ARHGAP32: variants seen among roughly 807,000 people sequenced by gnomAD.
The protein encoded by ARHGAP32 is Rho GTPase activating protein 32.
Under a neutral mutation model 186.5 loss-of-function variants are expected in ARHGAP32, and 51 were observed. That is an observed-to-expected ratio of 0.27 (90% CI 0.22 to 0.35). The LOEUF (loss-of-function observed/expected upper bound fraction) is 0.35. ARHGAP32 is among the 10% of genes least tolerant of loss of function. The pLI is 1.00. For missense variants in ARHGAP32, 2,186 were observed against 2,623.5 expected (o/e 0.83, Z 3.64); for synonymous variants, 950 against 964.3 (o/e 0.99, Z 0.27).
chr11:129,233,506 A>G (rs950367163), intron 1 of ARHGAP32, among the ~76,000 whole-genome samples: 36 of 152,172 alleles, frequency 2.4e-4, no homozygotes, highest in African/African-American at 8.4e-4. Flanking sequence ...CCAATGCTGA[A>G]ATGGCACACA....
intron 1 of ARHGAP32, among the ~76,000 whole-genome samples, chr11:129,202,018 TTA>T (rs554670629): frequency 2.6e-5 from 4 of 151,818 alleles, no homozygotes; most frequent in Middle Eastern, 6.8e-3. Flanking sequence ...CTCTATTTAT[TTA>T]TATATATATG....
intron 5 of ARHGAP32, among the ~76,000 whole-genome samples, chr11:129,101,561 A>T (rs114621918): frequency 1.3e-5 from 2 of 152,232 alleles, no homozygotes; most frequent in African/African-American, 4.8e-5. Context: ...TAATGCAATC[A>T]CAAGTATTAA....
chr11:128,969,309 C>T lies in ARHGAP32; in HGVS notation c.5904G>A (p.Arg1968=). The part of the protein sequence containing the change: ...LSKEMERPWV[R]QPSAPEKHSR... ...AGTGTTTCTCTGGGGCAGAAGGCTG[C>T]CTAACCCAGGGTCGCTCCATCTCTT... The change falls in exon 23 of 23, where the codon AGG becomes AGA. Residue 1968 remains arginine (R), a synonymous_variant. Coordinates refer to ENST00000682385, the MANE Select transcript of ARHGAP32 (RefSeq NM_001378024.1). This position sits in a 1 kb window ranked among gnomAD's most constrained non-coding sequence, Gnocchi z 4.8. 1.2e-6 allele frequency: 2 copies of T among 1,614,232 alleles called. No individual in the cohort carries two copies. Among genetic ancestry groups the T allele is most frequent in the Non-Finnish European group, 1.7e-6 (2 of 1,180,044 alleles).
chr11:129,161,091 T>G (rs1943519976), intron 2 of ARHGAP32, among the ~76,000 whole-genome samples: 2 of 152,180 alleles, frequency 1.3e-5, no homozygotes, highest in South Asian at 4.1e-4. Flanking sequence ...TTACGAAAAC[T>G]GGATACCCAT....
At position 128,991,510 on chromosome 11, in the gene ARHGAP32, A is replaced by G. The variant is rs186795365; in HGVS notation, c.1196-3385T>C. On this transcript the variant is annotated intron_variant, in intron 12 of 22. Transcript: ENST00000682385. The stretch of plus-strand genomic sequence containing the variant: ...TTTCACGAAAGAGTAGGAAAGCAAT[A>G]TAAGAAATCCAATATATTTTGTAAA... 3.9e-5 allele frequency among the ~76,000 whole-genome samples: 6 copies of G among 152,312 alleles called. No homozygotes were observed. In the East Asian group the frequency reaches 7.7e-4, roughly 20 times the overall value.
chr11:128,972,476 T>C lies in ARHGAP32; in HGVS notation c.4030A>G (p.Ile1344Val), dbSNP rs749436918. The change falls in exon 22 of 23, where the codon ATA (isoleucine) becomes GTA (valine). Residue 1344 changes from isoleucine (I) to valine (V), a missense_variant. Physicochemically the swap from Ile to Val is conservative, Grantham distance 29 (BLOSUM62 3). This residue lies in a region of ARHGAP32 where 1,502 missense variants were observed against 1,570.0 expected (regional missense o/e 0.96). Coordinates refer to ENST00000682385, the MANE Select transcript of ARHGAP32 (RefSeq NM_001378024.1). Reference sequence around the variant, plus strand: ...ACCTTGTGGGAATTATTTAATCCTATATTGGTTGCTGCTTGTACCTGCCCC... The same window carrying C: ...ACCTTGTGGGAATTATTTAATCCTACATTGGTTGCTGCTTGTACCTGCCCC... ...VVGQVQAATN[I>V]GLNNSHKVQG... is the part of the protein sequence containing the mutation. The C allele has an allele frequency of 3.9e-6, 6 of 1,521,464 alleles. No homozygotes were observed. The highest frequency in any genetic ancestry group is 4.5e-5 in the East Asian group (2 of 44,106). The allele number at this position is 1,521,464 out of a possible 1,614,324, so 94.2% of individuals were successfully genotyped here. A position where few individuals can be genotyped will look rare whatever the true frequency, so the allele number is the denominator to read the frequency against.
At chr11:129,190,464 C>T (rs1235194087) in intron 1 of ARHGAP32, among the ~76,000 whole-genome samples, 1 of 152,176 alleles carries the variant, frequency 6.6e-6, no homozygotes, top group Admixed American at 6.5e-5. Context: ...AAGAGAAATG[C>T]CCTATGGTAT....
rs183822990 is a variant in ARHGAP32, at chr11:129,127,078, G to A, written c.226-2184C>T. Among the ~76,000 whole-genome samples the A allele has an allele frequency of 1.2e-3, 183 of 152,274 alleles. 2 individuals carry two copies. Among genetic ancestry groups the A allele is most frequent in the Middle Eastern group, 3.4e-3 (1 of 294 alleles). On this transcript the variant is annotated intron_variant, in intron 2 of 22. Transcript: ENST00000682385. ...TATTTGGTAGACTGGAAATTGAAAC[G>A]TTAGCTTTCTTTTGAAAACAAGCTC... is the stretch of plus-strand genomic sequence containing the variant.
chr11:128,995,069 G>GA (rs971893287), intron 12 of ARHGAP32, among the ~76,000 whole-genome samples: 34 of 150,082 alleles, frequency 2.3e-4, no homozygotes, highest in African/African-American at 7.3e-4. Flanking sequence ...AGACAACTAA[G>GA]AAAAAAAAAT....
intron 2 of ARHGAP32, among the ~76,000 whole-genome samples, chr11:129,143,090 A>ATATATATATATATATATATATATATATAT (rs1258769121): frequency 2.1e-5 from 1 of 47,584 alleles, no homozygotes; most frequent in Admixed American, 1.6e-4. Context: ...TATATATATA[A>ATATATATATATATATATATATATATATAT]TCAACTGAAT....
At chr11:129,174,622 G>A (rs1463168904) in intron 1 of ARHGAP32, among the ~76,000 whole-genome samples, 1 of 152,148 alleles carries the variant, frequency 6.6e-6, no homozygotes, top group Non-Finnish European at 1.5e-5. Context: ...CTCCTCAAGT[G>A]GGTCCCTGAC....
intron 15 of ARHGAP32, 145 bp downstream of exon 15, chr11:128,985,858 G>GTGTATATATATATATATATA (rs760311247): frequency 3.1e-5 from 3 of 95,320 alleles, no homozygotes; most frequent in African/African-American, 1.4e-4. Context: ...GTGTGTGTGT[G>GTGTATATATATATATATATA]TATATATATA....
At position 129,084,669 on chromosome 11, in the gene ARHGAP32, G is replaced by A. The variant is rs368427431; in HGVS notation, c.531+8952C>T. Among the ~76,000 whole-genome samples the A allele has an allele frequency of 2.2e-4, 34 of 152,202 alleles. No homozygotes were observed. The East Asian group carries it at 6.0e-3, about 27-fold the overall frequency. On this transcript the variant is annotated intron_variant, in intron 6 of 22. Coordinates refer to ENST00000682385, the MANE Select transcript of ARHGAP32 (RefSeq NM_001378024.1). ...AAGGGAACTTCCATAACTTGAGAAA[G>A]AGCATCTACAAAAAACGTACAGCTA...
intron 1 of ARHGAP32, among the ~76,000 whole-genome samples, chr11:129,205,550 C>A (rs576429933): frequency 8.3e-4 from 127 of 152,188 alleles, no homozygotes; most frequent in African/African-American, 3.0e-3. Context: ...TGAACTTGCA[C>A]AAGTCACCAA....
At chr11:129,053,033 A>T (rs907191346) in intron 10 of ARHGAP32, among the ~76,000 whole-genome samples, 7 of 152,106 alleles carry the variant, frequency 4.6e-5, no homozygotes, top group African/African-American at 1.7e-4. Flanking sequence ...CATATGTAAC[A>T]AACCTGCACA....
At chr11:129,160,274 A>C (rs1943501587) in intron 2 of ARHGAP32, among the ~76,000 whole-genome samples, 2 of 152,222 alleles carry the variant, frequency 1.3e-5, no homozygotes, top group African/African-American at 4.8e-5. Context: ...AGGGAAAGAA[A>C]TAAAGGGTAT....
chr11:129,194,609 A>T (rs779781109), upstream of ARHGAP32, among the ~76,000 whole-genome samples: 29 of 152,242 alleles, frequency 1.9e-4, 1 homozygote, highest in Non-Finnish European at 4.1e-4. Flanking sequence ...TAGTACCAGT[A>T]GTTGTCTCCA....
chr11:129,006,791 C>G (rs1279754298), intron 11 of ARHGAP32, among the ~76,000 whole-genome samples: 1 of 152,212 alleles, frequency 6.6e-6, no homozygotes, highest in African/African-American at 2.4e-5. Flanking sequence ...TAAAGCCAGC[C>G]AAGCTGTGTT....
chr11:128,982,101 A>G (rs973169352), intron 15 of ARHGAP32, among the ~76,000 whole-genome samples, 165 bp from the exon 16 acceptor site: 14 of 152,214 alleles, frequency 9.2e-5, no homozygotes, highest in African/African-American at 3.4e-4. Flanking sequence ...AAATATTACT[A>G]TTAGAAGTGA....
Sources: gnomAD v4.1 joint callset for allele counts (sites outside exome capture counted in the v4.1 genomes callset) on GRCh38, gnomAD v4.1.1 for gene constraint, gnomAD v4.1.1 regional missense constraint, Gnocchi (gnomAD v3.1) non-coding constraint, MANE v1.5 for transcripts, NCBI Gene and HGNC (gene_info 2026-07-23, HGNC 2026-07-21) for gene names.